Variants in CSGALNACT1 observed in about 807,000 individuals in gnomAD.
The protein encoded by CSGALNACT1 is beta4GalNAcT-1.
CSGALNACT1 carries 52 observed loss-of-function variants against 51.0 expected under a neutral mutation model. That is an observed-to-expected ratio of 1.02 (90% CI 0.82 to 1.29). The LOEUF is 1.29. Ranked by LOEUF, CSGALNACT1 falls within the 50% of genes most tolerant of loss-of-function variation. The probability of loss-of-function intolerance (pLI) is 0.00; values close to 1 mark genes in which losing one functional copy is unlikely to be tolerated. For missense variants in CSGALNACT1, 935 were observed against 679.2 expected (o/e 1.38, Z -4.19); for synonymous variants, 341 against 254.4 (o/e 1.34, Z -3.24).
chr8:19,457,684 A>G lies in CSGALNACT1; in HGVS notation c.851+742T>C, dbSNP rs567145134. 2.4e-5 allele frequency: 32 copies of G among 1,307,012 alleles called. No homozygotes were observed. In the South Asian group the frequency reaches 3.9e-4, roughly 16 times the overall value. The allele number at this position is 1,307,012 out of a possible 1,614,324, so 81.0% of individuals were successfully genotyped here. A position where few individuals can be genotyped will look rare whatever the true frequency, so the allele number is the denominator to read the frequency against. ...TTAGACAGTAGGATTTTCTATGTTT[A>G]AAACAAGCTGGTGAAATCACTTAGC... is the stretch of plus-strand genomic sequence containing the variant. On this transcript the variant is annotated intron_variant, in intron 5 of 9. Coordinates refer to ENST00000454498, the Ensembl canonical transcript of CSGALNACT1.
intron 1 of CSGALNACT1, among the ~76,000 whole-genome samples, chr8:19,635,882 C>T (rs930484166): frequency 3.2e-4 from 48 of 152,126 alleles, no homozygotes; most frequent in African/African-American, 1.1e-3. Flanking sequence ...CATGCAAGAC[C>T]ATGCCCGGCT....
In CSGALNACT1 at chr8:19,455,488, T is replaced by C. The variant is rs57751108; in HGVS notation, c.851+2938A>G. 3.1e-3 allele frequency among the ~76,000 whole-genome samples: 473 copies of C among 152,338 alleles called. 9 individuals carry two copies. In the East Asian group the frequency reaches 0.058, roughly 19 times the overall value. ...ATGTTAATTGCATTTAATTATTTAATTGGAGTTTACTTTGCTTTTTTGGTG... is the reference window on the plus strand; with the variant it reads ...ATGTTAATTGCATTTAATTATTTAACTGGAGTTTACTTTGCTTTTTTGGTG... On this transcript the variant is annotated intron_variant, in intron 5 of 9. Coordinates refer to ENST00000454498, the Ensembl canonical transcript of CSGALNACT1.
chr8:19,604,003 G>C (rs951040670), upstream of CSGALNACT1, among the ~76,000 whole-genome samples: 1 of 152,110 alleles, frequency 6.6e-6, no homozygotes, highest in South Asian at 2.1e-4. Flanking sequence ...CTGCAGGTTC[G>C]GAGCCACGGC....
chr8:19,415,384 C>T (rs1222468726), intron 8 of CSGALNACT1, among the ~76,000 whole-genome samples: 3 of 152,168 alleles, frequency 2.0e-5, no homozygotes, highest in Admixed American at 2.0e-4. Context: ...TTTCACCAAA[C>T]TAAATAGTCA....
At chr8:19,537,943 GAA>G (rs1224184216) in intron 3 of CSGALNACT1, among the ~76,000 whole-genome samples, 1 of 152,158 alleles carries the variant, frequency 6.6e-6, no homozygotes, top group Non-Finnish European at 1.5e-5. Context: ...TTAAGATAAT[GAA>G]AAGATAAGCT....
chr8:19,732,844 A>G (rs184225391), intron 1 of CSGALNACT1, among the ~76,000 whole-genome samples: 112 of 152,356 alleles, frequency 7.4e-4, no homozygotes, highest in Admixed American at 1.4e-3. Context: ...TTTAGAATGC[A>G]AATAATTTTC....
At chr8:19,439,147 G>T (rs558220899) in intron 6 of CSGALNACT1, among the ~76,000 whole-genome samples, 1 of 152,300 alleles carries the variant, frequency 6.6e-6, no homozygotes, top group Admixed American at 6.5e-5. Context: ...ATGCCATGGG[G>T]ATTACTTATT....
chr8:19,645,562 C>A (rs1464770127), intron 1 of CSGALNACT1, among the ~76,000 whole-genome samples: 1 of 152,208 alleles, frequency 6.6e-6, no homozygotes, highest in African/African-American at 2.4e-5. Context: ...AACAAGGAAC[C>A]TCGAAGGGTG....
intron 4 of CSGALNACT1, among the ~76,000 whole-genome samples, chr8:19,500,539 A>G (rs969126944): frequency 7.9e-5 from 12 of 152,186 alleles, no homozygotes; most frequent in Non-Finnish European, 1.5e-5. Flanking sequence ...CTCACCAAAC[A>G]TGCAGGACCT....
At chr8:19,609,464 G>A (rs1001133586) in intron 1 of CSGALNACT1, among the ~76,000 whole-genome samples, 3 of 151,318 alleles carry the variant, frequency 2.0e-5, no homozygotes, top group Non-Finnish European at 2.9e-5. Flanking sequence ...AGGTAAGCAA[G>A]ACAAGGATAA....
chr8:19,485,272 G>A (rs79754440), intron 4 of CSGALNACT1, among the ~76,000 whole-genome samples: 19,701 of 152,080 alleles, frequency 0.13, 1,325 homozygotes, highest in Middle Eastern at 0.21. Flanking sequence ...AATCTACTAA[G>A]TCATCCCCGA....
intron 1 of CSGALNACT1, among the ~76,000 whole-genome samples, chr8:19,643,147 T>C (rs751264589): frequency 6.6e-6 from 1 of 151,994 alleles, no homozygotes; most frequent in African/African-American, 2.4e-5. Flanking sequence ...ATATAGTATA[T>C]TATGAACTAT....
intron 1 of CSGALNACT1, among the ~76,000 whole-genome samples, chr8:19,676,083 T>TAAAAAAAAAAAAAAAAAA (rs1564404826): frequency 2.0e-4 from 12 of 59,146 alleles, no homozygotes; most frequent in Admixed American, 5.0e-4. Context: ...GTTGTCTGAT[T>TAAAAAAAAAAAAAAAAAA]TAAAAAACAA....
intron 3 of CSGALNACT1, among the ~76,000 whole-genome samples, chr8:19,575,902 T>G (rs1368101024): frequency 1.3e-5 from 2 of 152,070 alleles, no homozygotes; most frequent in Non-Finnish European, 2.9e-5. Flanking sequence ...TTTTCTATCT[T>G]TTGAGATATT....
At chr8:19,557,883 G>A (rs897852934) in intron 3 of CSGALNACT1, among the ~76,000 whole-genome samples, 3 of 152,172 alleles carry the variant, frequency 2.0e-5, no homozygotes, top group Non-Finnish European at 2.9e-5. Context: ...TATCTCACAC[G>A]TGGTAGCTTT....
chr8:19,576,901 G>A (rs1447782322), intron 3 of CSGALNACT1, among the ~76,000 whole-genome samples: 1 of 152,034 alleles, frequency 6.6e-6, no homozygotes, highest in Non-Finnish European at 1.5e-5. Context: ...TAGCACTGGG[G>A]CAGGTCAGCA....
At chr8:19,529,146 C>G (rs537200510) in intron 3 of CSGALNACT1, among the ~76,000 whole-genome samples, 1 of 152,194 alleles carries the variant, frequency 6.6e-6, no homozygotes, top group East Asian at 1.9e-4. Context: ...GTGAGTTGAG[C>G]AACGTGGGGG....
chr8:19,656,549 G>A (rs1196280713), intron 1 of CSGALNACT1, among the ~76,000 whole-genome samples: 4 of 150,526 alleles, frequency 2.7e-5, no homozygotes, highest in African/African-American at 4.9e-5. Flanking sequence ...ACGTGTACGC[G>A]CATGCACACA....
chr8:19,527,744 G>T (rs2081987620), intron 3 of CSGALNACT1, among the ~76,000 whole-genome samples: 2 of 152,174 alleles, frequency 1.3e-5, no homozygotes, highest in African/African-American at 4.8e-5. Flanking sequence ...GAAGTAGCAG[G>T]GTCAGGCTGT....
Sources: allele counts gnomAD v4.1 joint callset (sites outside exome capture counted in the v4.1 genomes callset), GRCh38; gene constraint gnomAD v4.1.1; transcripts MANE v1.5; gene names NCBI Gene and HGNC (gene_info 2026-07-23, HGNC 2026-07-21).